The following PCF11 variants were observed in gnomAD, a reference collection of about 807,000 sequenced individuals.
PCF11 encodes the protein pre-mRNA cleavage complex 2 protein Pcf11.
PCF11 carries 19 observed loss-of-function variants against 166.1 expected under a neutral mutation model. That is an observed-to-expected ratio of 0.11 (90% CI 0.08 to 0.17). The LOEUF (loss-of-function observed/expected upper bound fraction) is 0.17, where lower values mean the gene tolerates loss of function less well. Ranked by LOEUF, PCF11 falls within the 10% of genes least tolerant of loss-of-function variation. PCF11 has a pLI of 1.00. For synonymous variants in PCF11, 663 were observed against 644.1 expected (o/e 1.03, Z -0.44); for missense variants, 1,565 against 1,855.5 (o/e 0.84, Z 2.88).
intron 11 of PCF11, among the ~76,000 whole-genome samples, chr11:83,178,841 T>G (rs1284442168): frequency 6.6e-6 from 1 of 152,082 alleles, no homozygotes; most frequent in Non-Finnish European, 1.5e-5. Context: ...ATTTTTCATT[T>G]TATAAGTAAT....
exon 1 of PCF11, chr11:83,157,411 A>T (rs978758043): frequency 6.3e-7 from 1 of 1,596,384 alleles, no homozygotes; most frequent in South Asian, 1.1e-5. Flanking sequence ...CTTCAGCTGC[A>T]GCGGACCTCG....
Position 83,167,853 on chromosome 11 carries a change from C to T in PCF11, c.2092+348C>T. On this transcript the variant is annotated intron_variant, in intron 7 of 15. Transcript: ENST00000298281. This position sits in a 1 kb window ranked among gnomAD's most constrained non-coding sequence, Gnocchi z 4.2. ...TCGTACTTATGCTGAGAATCTTTCA[C>T]CCCATGAGGGCCGGAGAAGACATGA... 1.5e-6 allele frequency: 2 copies of T among 1,314,712 alleles called. No individual in the cohort carries two copies. The highest frequency in any genetic ancestry group is 2.0e-6 in the Non-Finnish European group (2 of 1,005,982). 81.4% of individuals were successfully genotyped at this position (1,314,712 alleles called of 1,614,324 possible).
At chr11:83,159,008 C>G (rs1860120526) in intron 1 of PCF11, 1 of 152,172 alleles carries the variant, frequency 6.6e-6, no homozygotes. Context: ...TAGGTTCCAT[C>G]CACTCTTTTG....
At chr11:83,160,321 GTTTTTT>G (rs35201107) in intron 1 of PCF11, among the ~76,000 whole-genome samples, 106 of 91,290 alleles carry the variant, frequency 1.2e-3, no homozygotes, top group East Asian at 1.8e-3. Context: ...GATAACCTAA[GTTTTTT>G]TTTTTTTTTT....
In PCF11 at chr11:83,166,593, C is replaced by T. The variant is rs779072848; in HGVS notation, c.1696C>T (p.Pro566Ser). Reference sequence around the variant, plus strand: ...AATGAAAAAGACTGAAGAGGAGCGACCACAAGAAACTACAAATCAGCATTC... The same window carrying T: ...AATGAAAAAGACTGAAGAGGAGCGATCACAAGAAACTACAAATCAGCATTC... The change falls in exon 5 of 16, where the codon CCA becomes TCA. Residue 566 changes from proline (P) to serine (S), a missense_variant. Around this residue, in one of 12 missense-constraint regions of PCF11, gnomAD observed 468 missense variants for 483.4 expected, o/e 0.97. Transcript: ENST00000298281. 21 of 1,613,726 alleles carry T rather than the reference C, an allele frequency of 1.3e-5. No homozygotes were observed. The East Asian group carries it at 4.7e-4, about 36-fold the overall frequency.
chr11:83,162,867 C>T (rs952626104), intron 2 of PCF11, among the ~76,000 whole-genome samples: 2 of 152,132 alleles, frequency 1.3e-5, no homozygotes, highest in Admixed American at 6.5e-5. Context: ...CTCCGCCTCC[C>T]GGATTCAAGT....
At chr11:83,166,053 A>T (rs1860440942) in exon 5 of PCF11, 2 of 1,602,156 alleles carry the variant, frequency 1.2e-6, no homozygotes, top group South Asian at 2.3e-5. Context: ...AGACTTGAAA[A>T]ATCAAGAATC....
rs1478888310 is a variant in PCF11 at position 83,157,257 on chromosome 11, C to T, written c.-183C>T. On this transcript the variant is annotated 5_prime_UTR_variant, in exon 1 of 16. In the 5' UTR this introduces an upstream ATG that the reference lacks. Coordinates refer to ENST00000298281, the Ensembl canonical transcript of PCF11. ...AAGTGGACGGAGATCACCCGCGAGA[C>T]GGCGGCGTTTCATACCCGAGGTTCC... 2 of 597,850 alleles carry T rather than the reference C, an allele frequency of 3.3e-6. No individual in the cohort carries two copies. The highest frequency in any genetic ancestry group is 5.9e-6 in the Non-Finnish European group (2 of 336,170). 37.0% of individuals were successfully genotyped at this position (597,850 alleles called of 1,614,324 possible). A position where few individuals can be genotyped will look rare whatever the true frequency, so the allele number is the denominator to read the frequency against.
rs543264479 is a variant in PCF11, at chr11:83,185,008, C to T, written c.*114C>T. ...ATCTATATAAATTGTCTGGCTGAGG[C>T]AGGGCCTTCAGCTATCATTTGGTTA... On this transcript the variant is annotated 3_prime_UTR_variant, in exon 16 of 16. Coordinates refer to ENST00000298281, the Ensembl canonical transcript of PCF11. 2.4e-4 allele frequency: 153 copies of T among 636,148 alleles called. No individual in the cohort carries two copies. The South Asian group carries it at 3.2e-3, about 13-fold the overall frequency. The allele number at this position is 636,148 out of a possible 1,614,324, so 39.4% of individuals were successfully genotyped here.
chr11:83,171,143 C>G, intron 8 of PCF11: 1 of 333,246 alleles, frequency 3.0e-6, no homozygotes, highest in Non-Finnish European at 5.9e-6. Context: ...ACTGCAAATG[C>G]TGTATTTGTA....
At chr11:83,171,834 C>A in exon 9 of PCF11, 2 of 1,592,088 alleles carry the variant, frequency 1.3e-6, no homozygotes, top group Non-Finnish European at 1.7e-6. Flanking sequence ...AGTGGTGTTG[C>A]TCAGCCAGTA....
exon 5 of PCF11, chr11:83,166,580 T>G (rs1161913518): frequency 6.2e-7 from 1 of 1,613,740 alleles, no homozygotes; most frequent in Non-Finnish European, 8.5e-7. Flanking sequence ...TGAAAAAGAC[T>G]GAAGAGGAGC....
chr11:83,161,664 A>C (rs1389925036), intron 2 of PCF11, among the ~76,000 whole-genome samples: 2 of 152,214 alleles, frequency 1.3e-5, no homozygotes, highest in Non-Finnish European at 2.9e-5. Context: ...TATCCATTTA[A>C]GAATAGATGG....
intron 9 of PCF11, among the ~76,000 whole-genome samples, chr11:83,176,099 A>G (rs956895342): frequency 2.0e-5 from 3 of 152,190 alleles, no homozygotes; most frequent in Non-Finnish European, 4.4e-5. Context: ...GTAATAAACT[A>G]TTTCATCTAT....
chr11:83,184,968 T>G, exon 16 of PCF11: 1 of 972,706 alleles, frequency 1.0e-6, no homozygotes. Flanking sequence ...AATTTTTTTA[T>G]GTATATATAG....
intron 1 of PCF11, among the ~76,000 whole-genome samples, chr11:83,159,135 T>TCAGTCTGA (rs1454404418): frequency 2.6e-5 from 4 of 152,218 alleles, no homozygotes; most frequent in African/African-American, 9.6e-5. Context: ...TTTATCATGC[T>TCAGTCTGA]CAGTCTGACA....
At chr11:83,185,115 C>A in exon 16 of PCF11, 1 of 404,002 alleles carries the variant, frequency 2.5e-6, no homozygotes, top group South Asian at 5.3e-5. Context: ...TAGATGTGTG[C>A]AAATTTAACG....
Position 83,163,882 on chromosome 11 carries a change from G to A in PCF11, c.507+15G>A. ...TAAATAAATCGGTAAGTTTTAATAT[G>A]AATAGTAAGTAACATACTTTTAAGT... On this transcript the variant is annotated intron_variant, in intron 3 of 15. Transcript: ENST00000298281. 8.5e-7 allele frequency: 1 copy of A among 1,178,160 alleles called. No individual in the cohort carries two copies. The highest frequency in any genetic ancestry group is 1.2e-6 in the Non-Finnish European group (1 of 843,230). 73.0% of individuals were successfully genotyped at this position (1,178,160 alleles called of 1,614,324 possible).
At chr11:83,180,288 ACG>A (rs1485830533) in intron 11 of PCF11, 1 of 151,810 alleles carries the variant, frequency 6.6e-6, no homozygotes, top group Non-Finnish European at 1.5e-5. Context: ...GGGTTTCACC[ACG>A]TTGGTCAGGT....
Sources: allele counts gnomAD v4.1 joint callset (sites outside exome capture counted in the v4.1 genomes callset), GRCh38; gene constraint gnomAD v4.1.1; regional missense constraint gnomAD v4.1.1; non-coding constraint Gnocchi (gnomAD v3.1); transcripts MANE v1.5; gene names NCBI Gene and HGNC (gene_info 2026-07-23, HGNC 2026-07-21).